The following PRKCB variants were observed in gnomAD, a reference collection of about 807,000 sequenced individuals.
PRKCB encodes protein kinase C beta.
A neutral mutation model predicts 81.5 loss-of-function variants in PRKCB; 13 were observed. The ratio of observed to expected loss-of-function variants is 0.16; its 90% confidence interval spans 0.10 to 0.25. The LOEUF (loss-of-function observed/expected upper bound fraction) is 0.25, where lower values mean the gene tolerates loss of function less well. Ranked by LOEUF, PRKCB falls within the 10% of genes least tolerant of loss-of-function variation. PRKCB has a pLI of 1.00. For missense variants in PRKCB, 509 were observed against 875.7 expected, an observed-to-expected ratio of 0.58 and a Z score of 5.29; for synonymous variants, 335 against 321.4, an observed-to-expected ratio of 1.04 and a Z score of -0.45.
chr16:24,211,104 C>T (rs983263839), intron 16 of PRKCB, among the ~76,000 whole-genome samples: 2 of 152,138 alleles, frequency 1.3e-5, no homozygotes, highest in African/African-American at 4.8e-5. Flanking sequence ...CAGAAAAGAC[C>T]CCAGGTCTTC....
At position 23,993,813 on chromosome 16, in the gene PRKCB, C is replaced by A. The variant is rs183115372; in HGVS notation, c.288+5223C>A. Reference sequence around the variant, plus strand: ...TCGGAATAGCCTGACTCATGCAGACCTATGGCACTGCCTAATCATGGTGTT... The same window carrying A: ...TCGGAATAGCCTGACTCATGCAGACATATGGCACTGCCTAATCATGGTGTT... On this transcript the variant is annotated intron_variant, in intron 3 of 16. Transcript: ENST00000643927. Among the ~76,000 whole-genome samples, 3 of 152,308 alleles carry A rather than the reference C, an allele frequency of 2.0e-5. No homozygotes were observed. In the East Asian group the frequency reaches 5.8e-4, roughly 29 times the overall value.
chr16:24,180,203 G>A (rs966822783), intron 12 of PRKCB, among the ~76,000 whole-genome samples: 12 of 152,026 alleles, frequency 7.9e-5, no homozygotes, highest in African/African-American at 2.9e-4. Context: ...TTGGCCTCCC[G>A]AAGTGCTGGA....
At chr16:23,955,677 G>C (rs1964340115) in intron 2 of PRKCB, among the ~76,000 whole-genome samples, 2 of 152,112 alleles carry the variant, frequency 1.3e-5, no homozygotes, top group Admixed American at 1.3e-4. Context: ...GATGACCGGT[G>C]AAACATTTAC....
At position 24,216,841 on chromosome 16, in the gene PRKCB, CAA is replaced by C; in HGVS notation, c.*2027_*2028del. On this transcript the variant is annotated 3_prime_UTR_variant, in exon 17 of 17. Coordinates refer to ENST00000643927, the MANE Select transcript of PRKCB (RefSeq NM_002738.7). ...ATCTGGAAAGAGGAAGGAATTTGCC[CAA>C]AGTCAGTCAGCTGGGATAAAAACCT... 1.0e-6 allele frequency: 1 copy of C among 985,422 alleles called. No individual in the cohort carries two copies. Among genetic ancestry groups the C allele is most frequent in the Non-Finnish European group, 1.2e-6 (1 of 829,948 alleles). 61.0% of individuals were successfully genotyped at this position (985,422 alleles called of 1,614,324 possible). A position where few individuals can be genotyped will look rare whatever the true frequency, so the allele number is the denominator to read the frequency against.
intron 2 of PRKCB, among the ~76,000 whole-genome samples, chr16:23,867,052 CT>C (rs1962815856): frequency 2.3e-5 from 2 of 85,642 alleles, no homozygotes; most frequent in African/African-American, 4.6e-5. Flanking sequence ...TTCCTTCCTT[CT>C]CTCTCTCTCT....
chr16:24,070,557 T>C (rs1164813531), intron 5 of PRKCB, among the ~76,000 whole-genome samples: 1 of 152,184 alleles, frequency 6.6e-6, no homozygotes, highest in African/African-American at 2.4e-5. Flanking sequence ...TAATAATGAC[T>C]AGGAGTTGTT....
intron 2 of PRKCB, among the ~76,000 whole-genome samples, chr16:23,882,021 T>TCTTTCTTTCTCTTTCTTTCTTCCTTC: frequency 1.8e-5 from 1 of 55,592 alleles, no homozygotes; most frequent in African/African-American, 5.9e-5. Flanking sequence ...TTTCTTTCTT[T>TCTTTCTTTCTCTTTCTTTCTTCCTTC]CTTCCTTCCT....
At chr16:23,855,229 C>G in intron 2 of PRKCB, among the ~76,000 whole-genome samples, 1 of 152,200 alleles carries the variant, frequency 6.6e-6, no homozygotes, top group Admixed American at 6.5e-5. Context: ...AGTGTGATCA[C>G]AGAGCTGTGA....
At chr16:24,010,231 G>A (rs1053572374) in intron 3 of PRKCB, among the ~76,000 whole-genome samples, 1 of 152,192 alleles carries the variant, frequency 6.6e-6, no homozygotes, top group Non-Finnish European at 1.5e-5. Flanking sequence ...TCTGAAAGGG[G>A]CAGCGGCACT....
At chr16:23,928,718 G>T (rs1325043559) in intron 2 of PRKCB, among the ~76,000 whole-genome samples, 2 of 151,428 alleles carry the variant, frequency 1.3e-5, no homozygotes, top group South Asian at 2.1e-4. Context: ...GTTTTGTTTT[G>T]TTTGTTTTTT....
intron 3 of PRKCB, among the ~76,000 whole-genome samples, chr16:24,020,973 T>TC (rs1965352244): frequency 4.9e-5 from 5 of 101,722 alleles, no homozygotes; most frequent in South Asian, 7.6e-4. Flanking sequence ...GAGAGACTTT[T>TC]CTTTTTCTTT....
chr16:23,882,025 C>CTTT (rs1597226197), intron 2 of PRKCB, among the ~76,000 whole-genome samples: 509 of 18,206 alleles, frequency 0.028, 8 homozygotes, highest in Non-Finnish European at 0.034. Flanking sequence ...TTTCTTTCTT[C>CTTT]CTTCCTTCCT....
intron 2 of PRKCB, among the ~76,000 whole-genome samples, chr16:23,843,243 CA>C (rs1050907689): frequency 7.9e-5 from 12 of 151,698 alleles, no homozygotes; most frequent in Admixed American, 5.2e-4. Context: ...TCCATTTTTT[CA>C]AAAAATCACC....
intron 12 of PRKCB, among the ~76,000 whole-genome samples, chr16:24,179,397 A>G (rs185455483): frequency 4.1e-4 from 63 of 152,302 alleles, no homozygotes; most frequent in African/African-American, 1.4e-3. Context: ...CCACTACCCA[A>G]TCAAGATGAC....
chr16:24,220,155 C>T lies in PRKCB; in HGVS notation c.*5339C>T. Reference sequence around the variant, plus strand: ...TCGTTGAGCCTGGGGTGTAAGACTTCAAGCCAAGCGTATGTATCAATTCTA... The same window carrying T: ...TCGTTGAGCCTGGGGTGTAAGACTTTAAGCCAAGCGTATGTATCAATTCTA... On this transcript the variant is annotated 3_prime_UTR_variant, in exon 17 of 17. Coordinates refer to ENST00000643927, the MANE Select transcript of PRKCB (RefSeq NM_002738.7). 1.2e-6 allele frequency: 2 copies of T among 1,608,838 alleles called. No homozygotes were observed. Among genetic ancestry groups the T allele is most frequent in the South Asian group, 1.1e-5 (1 of 90,720 alleles).
intron 10 of PRKCB, among the ~76,000 whole-genome samples, chr16:24,161,365 T>C (rs532744398): frequency 1.3e-5 from 2 of 152,256 alleles, no homozygotes; most frequent in African/African-American, 4.8e-5. Context: ...TTTAAGTGTG[T>C]TAAAATTGAA....
intron 5 of PRKCB, among the ~76,000 whole-genome samples, chr16:24,050,347 G>A (rs547651718): frequency 6.6e-6 from 1 of 152,136 alleles, no homozygotes; most frequent in African/African-American, 2.4e-5. Context: ...TATAAAGCAG[G>A]GTGCCCAGAG....
intron 3 of PRKCB, among the ~76,000 whole-genome samples, chr16:23,998,666 TA>T (rs1286894631): frequency 3.3e-5 from 5 of 152,216 alleles, no homozygotes; most frequent in Non-Finnish European, 7.3e-5. Context: ...TAGATATCTG[TA>T]AAAGCACTTA....
At chr16:23,867,547 T>A (rs1344860542) in intron 2 of PRKCB, among the ~76,000 whole-genome samples, 2 of 152,268 alleles carry the variant, frequency 1.3e-5, no homozygotes, top group African/African-American at 4.8e-5. Context: ...TAATTTTTAT[T>A]TCAATCTACT....
Sources: gnomAD v4.1 joint callset for allele counts (sites outside exome capture counted in the v4.1 genomes callset) on GRCh38, gnomAD v4.1.1 for gene constraint, MANE v1.5 for transcripts, NCBI Gene and HGNC (gene_info 2026-07-23, HGNC 2026-07-21) for gene names.